The following ZNF496 variants were observed in gnomAD, a reference collection of about 807,000 sequenced individuals.
ZNF496 encodes the protein NSD1 (nuclear receptor binding SET-domain containing 1)-interacting zinc finger protein 1.
In ZNF496, 11 loss-of-function variants were observed where a neutral mutation model predicts 58.9. The ratio of observed to expected loss-of-function variants is 0.19; its 90% CI spans 0.12 to 0.31. The LOEUF (loss-of-function observed/expected upper bound fraction) is 0.31, where lower values mean the gene tolerates loss of function less well. Among genes scored for constraint, ZNF496 ranks in the 10% least tolerant of loss-of-function variants. The pLI is 1.00. For missense variants in ZNF496, 660 were observed against 783.0 expected (o/e 0.84, Z 1.88); for synonymous variants, 338 against 318.2 (o/e 1.06, Z -0.66).
rs370249900 is a variant in ZNF496, at chr1:247,325,283, TG to T, written c.575-2054del. On this transcript the variant is annotated intron_variant, in intron 5 of 9. Transcript: ENST00000682384. ...CTGTGTCTGAAGGGGAAGCTCAGGC[TG>T]GATGGGCGTAGATTTGAGGAGGTGG... Among the ~76,000 whole-genome samples the T allele has an allele frequency of 1.9e-4, 29 of 152,350 alleles. No homozygotes were observed. The East Asian group carries it at 3.7e-3, about 19-fold the overall frequency.
chr1:247,315,270 G>A (rs1659735177), intron 6 of ZNF496, among the ~76,000 whole-genome samples: 2 of 152,096 alleles, frequency 1.3e-5, no homozygotes, highest in Admixed American at 6.5e-5. Flanking sequence ...CAGATGTGCT[G>A]CATGGGGAGT....
At position 247,308,139 on chromosome 1, in the gene ZNF496, G is replaced by T; in HGVS notation, c.1006+336C>A. Reference sequence around the variant, plus strand: ...GCAAGGAGGGTGAGCCTGGGATTGGGAGTGAGCTGGAGAATGACCCCAGCA... The same window carrying T: ...GCAAGGAGGGTGAGCCTGGGATTGGTAGTGAGCTGGAGAATGACCCCAGCA... On this transcript the variant is annotated intron_variant, in intron 9 of 9. Transcript: ENST00000682384. This position sits in a 1 kb window ranked among gnomAD's most constrained non-coding sequence, Gnocchi z 4.5. The T allele has an allele frequency of 2.1e-6, 1 of 482,284 alleles. No individual in the cohort carries two copies. The highest frequency in any genetic ancestry group is 2.7e-6 in the Non-Finnish European group (1 of 370,148). 29.9% of individuals were successfully genotyped at this position (482,284 alleles called of 1,614,324 possible). A position where few individuals can be genotyped will look rare whatever the true frequency, so the allele number is the denominator to read the frequency against.
chr1:247,303,970 C>T, intron 9 of ZNF496: 2 of 303,876 alleles, frequency 6.6e-6, no homozygotes, highest in South Asian at 5.2e-5. Context: ...TGGAGGACAC[C>T]CTCGTCTGAC....
In ZNF496 at chr1:247,302,609, G is replaced by C. The variant is rs1044405974; in HGVS notation, c.1007-1333C>G. Among the ~76,000 whole-genome samples the C allele has an allele frequency of 7.2e-5, 11 of 152,266 alleles. No individual in the cohort carries two copies. In the South Asian group the frequency reaches 2.3e-3, roughly 32 times the overall value. ...ACCTGCCTCAGCCTCCCAAAGTGCT[G>C]GGATTACAGGTGTGAGCCACTGCGC... On this transcript the variant is annotated intron_variant, in intron 9 of 9. Coordinates refer to ENST00000682384, the MANE Select transcript of ZNF496 (RefSeq NM_032752.3).
intron 6 of ZNF496, chr1:247,313,725 TAATA>T (rs1265563309): frequency 6.6e-6 from 1 of 152,232 alleles, no homozygotes; most frequent in Admixed American, 6.5e-5. Context: ...AGCATTGATC[TAATA>T]AATACTGAAA....
Position 247,299,238 on chromosome 1 carries a change from C to T in ZNF496, c.*1281G>A, listed in dbSNP as rs1176356402. The T allele has an allele frequency of 2.0e-5, 3 of 152,144 alleles. No individual in the cohort carries two copies. Among genetic ancestry groups the T allele is most frequent in the East Asian group, 1.9e-4 (1 of 5,192 alleles). 9.4% of individuals were successfully genotyped at this position (152,144 alleles called of 1,614,324 possible). On this transcript the variant is annotated 3_prime_UTR_variant, in exon 10 of 10. Coordinates refer to ENST00000682384, the MANE Select transcript of ZNF496 (RefSeq NM_032752.3). ...GATACAGATGAGGTTATACTGGAGT[C>T]GGTGGGATGGGCTCTAATCCGATAT... is the stretch of plus-strand genomic sequence containing the variant.
At chr1:247,321,091 G>A (rs372916256) in intron 6 of ZNF496, among the ~76,000 whole-genome samples, 1 of 151,954 alleles carries the variant, frequency 6.6e-6, no homozygotes, top group Admixed American at 6.6e-5. Context: ...CAGGAGAATT[G>A]CTTGAACCCG....
chr1:247,305,194 G>C (rs1381450116), intron 9 of ZNF496, among the ~76,000 whole-genome samples: 2 of 152,084 alleles, frequency 1.3e-5, no homozygotes, highest in East Asian at 3.9e-4. Flanking sequence ...AAAATTGCTG[G>C]AACACGGGAG....
intron 9 of ZNF496, among the ~76,000 whole-genome samples, chr1:247,306,422 T>A (rs942787996): frequency 1.2e-4 from 18 of 151,970 alleles, no homozygotes; most frequent in Non-Finnish European, 2.4e-4. Context: ...GGTCTTGAAC[T>A]CCTGACCTCA....
chr1:247,324,079 GA>G (rs61548661), intron 5 of ZNF496, among the ~76,000 whole-genome samples: 4,177 of 88,198 alleles, frequency 0.047, 63 homozygotes, highest in Middle Eastern at 0.076. Context: ...TGTCTCAAAT[GA>G]AAAAAAAAAA....
intron 6 of ZNF496, among the ~76,000 whole-genome samples, chr1:247,320,508 A>C (rs1659929459): frequency 6.6e-6 from 1 of 152,232 alleles, no homozygotes; most frequent in Non-Finnish European, 1.5e-5. Context: ...GAGTGTGGAC[A>C]TTAGGTAACA....
At chr1:247,323,974 C>G (rs1345391921) in intron 5 of ZNF496, among the ~76,000 whole-genome samples, 1 of 149,892 alleles carries the variant, frequency 6.7e-6, no homozygotes, top group African/African-American at 2.4e-5. Context: ...AACTGGGAAG[C>G]TGAAACAGAA....
In ZNF496 at chr1:247,326,139, T is replaced by C. The variant is rs6694478; in HGVS notation, c.574+2544A>G. On this transcript the variant is annotated intron_variant, in intron 5 of 9. Coordinates refer to ENST00000682384, the MANE Select transcript of ZNF496 (RefSeq NM_032752.3). Reference sequence around the variant, plus strand: ...ATATATATACATACATATATATATATACACACATATATATATATATATATG... The same window carrying C: ...ATATATATACATACATATATATATACACACACATATATATATATATATATG... 5.5e-3 allele frequency among the ~76,000 whole-genome samples: 777 copies of C among 140,352 alleles called. 3 individuals carry two copies. The highest frequency in any genetic ancestry group is 0.012 in the Admixed American group (167 of 14,436). 92.1% of individuals were successfully genotyped at this position (140,352 alleles called of 152,430 possible).
At chr1:247,318,969 G>A (rs1659870883) in intron 6 of ZNF496, among the ~76,000 whole-genome samples, 1 of 152,062 alleles carries the variant, frequency 6.6e-6, no homozygotes, top group Admixed American at 6.6e-5. Context: ...TGTAAAAGGA[G>A]GTATATTATA....
chr1:247,314,114 C>T (rs1172704998), intron 6 of ZNF496, among the ~76,000 whole-genome samples: 1 of 152,196 alleles, frequency 6.6e-6, no homozygotes, highest in Non-Finnish European at 1.5e-5. Context: ...GGCTGGAGTG[C>T]AGTGGCACAA....
At chr1:247,310,277 C>A in intron 7 of ZNF496, 47 bp downstream of exon 7, 1 of 1,612,300 alleles carries the variant, frequency 6.2e-7, no homozygotes, top group Non-Finnish European at 8.5e-7. Context: ...GAGAACTCCC[C>A]TGCCCAGTTC....
chr1:247,319,618 A>G (rs937136880), intron 6 of ZNF496, among the ~76,000 whole-genome samples: 6 of 152,186 alleles, frequency 3.9e-5, no homozygotes, highest in African/African-American at 1.4e-4. Flanking sequence ...ATTAGAAAAC[A>G]TTATCCAAAT....
chr1:247,301,443 CTG>C (rs962844801), intron 9 of ZNF496, among the ~76,000 whole-genome samples, 167 bp from the exon 10 acceptor site: 3 of 152,180 alleles, frequency 2.0e-5, no homozygotes, highest in African/African-American at 7.2e-5. Flanking sequence ...CTGGTGTAGC[CTG>C]TGAGGAAGAA....
intron 6 of ZNF496, among the ~76,000 whole-genome samples, chr1:247,314,671 T>G (rs1659713671): frequency 6.6e-6 from 1 of 152,222 alleles, no homozygotes; most frequent in Non-Finnish European, 1.5e-5. Context: ...TCTGGAAAAC[T>G]ATCAGTTACT....
Sources: allele counts gnomAD v4.1 joint callset (sites outside exome capture counted in the v4.1 genomes callset), GRCh38; gene constraint gnomAD v4.1.1; non-coding constraint Gnocchi (gnomAD v3.1); transcripts MANE v1.5; gene names NCBI Gene and HGNC (gene_info 2026-07-23, HGNC 2026-07-21).